PDZD8: variants seen among roughly 807,000 people sequenced by gnomAD.
The protein encoded by PDZD8 is PDZ domain containing 8, also known as PDZ domain-containing protein 8.
PDZD8 carries 14 observed loss-of-function variants against 85.8 expected under a neutral mutation model. That is an observed-to-expected ratio of 0.16 (90% confidence interval 0.11 to 0.26). The LOEUF is 0.26. Ranked by LOEUF, PDZD8 falls within the 10% of genes least tolerant of loss-of-function variation. The pLI is 1.00. For synonymous variants in PDZD8, 592 were observed against 568.6 expected, an observed-to-expected ratio of 1.04 and a Z score of -0.59; for missense variants, 1,197 against 1,424.3, an observed-to-expected ratio of 0.84 and a Z score of 2.57.
chr10:117,333,578 C>T (rs766422152), intron 2 of PDZD8, among the ~76,000 whole-genome samples: 8 of 152,154 alleles, frequency 5.3e-5, no homozygotes, highest in Non-Finnish European at 1.2e-4. Context: ...CAAATTTAAT[C>T]AAACTCAATG....
chr10:117,336,116 G>C (rs1281588155), intron 2 of PDZD8, among the ~76,000 whole-genome samples: 1 of 152,174 alleles, frequency 6.6e-6, no homozygotes, highest in Non-Finnish European at 1.5e-5. Flanking sequence ...ACACTTTATA[G>C]CCTGAAGGTA....
intron 1 of PDZD8, among the ~76,000 whole-genome samples, chr10:117,346,666 G>T (rs1185088350): frequency 6.6e-6 from 1 of 152,044 alleles, no homozygotes; most frequent in East Asian, 1.9e-4. Context: ...AATGCCAGCA[G>T]CTGTACCTGG....
chr10:117,373,556 G>A (rs1429590124), intron 1 of PDZD8, among the ~76,000 whole-genome samples: 5 of 129,682 alleles, frequency 3.9e-5, no homozygotes, highest in African/African-American at 1.2e-4. Flanking sequence ...TCAGGAGTTC[G>A]AAACCAGCCT....
Position 117,333,117 on chromosome 10 carries a change from CAAAAAA to C in PDZD8, c.995+7857_995+7862del, listed in dbSNP as rs752527474. On this transcript the variant is annotated intron_variant, in intron 2 of 4. Transcript: ENST00000334464. ...CTGGACAGCAGAGTGGACTCTGTCT[CAAAAAA>C]AAAAAAAAAAAAAAAAAAAAGGGGA... Among the ~76,000 whole-genome samples the C allele has an allele frequency of 2.8e-4, 2 of 7,264 alleles. 1 individual carries two copies. 4.8% of individuals were successfully genotyped at this position (7,264 alleles called of 152,430 possible). A position where few individuals can be genotyped will look rare whatever the true frequency, so the allele number is the denominator to read the frequency against.
intron 1 of PDZD8, among the ~76,000 whole-genome samples, chr10:117,341,765 TCCATGGATGTGGAAC>T (rs565960326): frequency 1.1e-4 from 16 of 152,196 alleles, no homozygotes; most frequent in Admixed American, 7.9e-4. Context: ...GTTGTTTGAA[TCCATGGATGTGGAAC>T]CCATGGATGT....
At chr10:117,306,697 C>G (rs538182696) in intron 3 of PDZD8, among the ~76,000 whole-genome samples, 1 of 150,998 alleles carries the variant, frequency 6.6e-6, no homozygotes, top group South Asian at 2.1e-4. Flanking sequence ...TAAAAAATTA[C>G]TTTTTTATCT....
chr10:117,353,535 G>A (rs1029682879), intron 1 of PDZD8, among the ~76,000 whole-genome samples: 2 of 152,110 alleles, frequency 1.3e-5, no homozygotes, highest in Non-Finnish European at 2.9e-5. Context: ...TCTACACCTT[G>A]ATGTTTTCTA....
At chr10:117,343,361 T>C (rs1175748519) in intron 1 of PDZD8, among the ~76,000 whole-genome samples, 1 of 146,750 alleles carries the variant, frequency 6.8e-6, no homozygotes, top group Non-Finnish European at 1.5e-5. Context: ...GCCCCCCGAG[T>C]TTCTCCCAAC....
intron 2 of PDZD8, among the ~76,000 whole-genome samples, chr10:117,330,643 CA>C (rs980441734): frequency 6.6e-6 from 1 of 152,208 alleles, no homozygotes; most frequent in African/African-American, 2.4e-5. Context: ...CCTATTAAAA[CA>C]TATCTATGAG....
rs755481563 is a variant in PDZD8 at position 117,374,361 on chromosome 10, C to T, written c.867G>A (p.Lys289=). The T allele has an allele frequency of 6.2e-7, 1 of 1,613,332 alleles. No homozygotes were observed. Among genetic ancestry groups the T allele is most frequent in the East Asian group, 2.2e-5 (1 of 44,840 alleles). ...IKRKHTLPNY[K]IRFKPFFPYQ... ...CTCCCCGACCTCCAGCTCACCTGATCTTGTAATTCGGTAGGGTGTGCTTGC... is the reference window on the plus strand; with the variant it reads ...CTCCCCGACCTCCAGCTCACCTGATTTTGTAATTCGGTAGGGTGTGCTTGC... The change falls in exon 1 of 5, where the codon AAG becomes AAA. Residue 289 remains lysine, a synonymous_variant. Coordinates refer to ENST00000334464, the MANE Select transcript of PDZD8 (RefSeq NM_173791.5). The surrounding 1 kb of genome is among the most constrained non-coding windows in gnomAD (Gnocchi z 7.8).
chr10:117,277,956 G>A lies in PDZD8; in HGVS notation c.*5312C>T, dbSNP rs920006177. 2 of 152,076 alleles carry A rather than the reference G, an allele frequency of 1.3e-5. No homozygotes were observed. The highest frequency in any genetic ancestry group is 4.8e-5 in the African/African-American group (2 of 41,408). 9.4% of individuals were successfully genotyped at this position (152,076 alleles called of 1,614,324 possible). A position where few individuals can be genotyped will look rare whatever the true frequency, so the allele number is the denominator to read the frequency against. ...GCAGCAAACACTAAAGCCAATAAAG[G>A]AAAAACAGTAAATGTTCCGAAAGCA... is the stretch of plus-strand genomic sequence containing the variant. On this transcript the variant is annotated 3_prime_UTR_variant, in exon 5 of 5. Transcript: ENST00000334464.
intron 1 of PDZD8, among the ~76,000 whole-genome samples, chr10:117,370,323 G>C (rs914291950): frequency 9.9e-5 from 15 of 152,142 alleles, no homozygotes; most frequent in African/African-American, 3.6e-4. Context: ...AACCACTTGA[G>C]CAACTTAGCA....
intron 3 of PDZD8, among the ~76,000 whole-genome samples, chr10:117,310,245 C>T (rs192112937): frequency 1.4e-4 from 22 of 152,200 alleles, no homozygotes; most frequent in African/African-American, 4.6e-4. Flanking sequence ...CAAATGTCAC[C>T]GCCTTAATAT....
At chr10:117,313,398 CT>C (rs1198623907) in intron 3 of PDZD8, among the ~76,000 whole-genome samples, 1 of 152,050 alleles carries the variant, frequency 6.6e-6, no homozygotes, top group Admixed American at 6.6e-5. Flanking sequence ...ATTTCTCCTG[CT>C]TGTTTTTTAC....
rs1485659593 is a variant in PDZD8 at position 117,281,972 on chromosome 10, C to G, written c.*1296G>C. 1 of 152,192 alleles carries G rather than the reference C, an allele frequency of 6.6e-6. No homozygotes were observed. Among genetic ancestry groups the G allele is most frequent in the Non-Finnish European group, 1.5e-5 (1 of 68,036 alleles). The allele number at this position is 152,192 out of a possible 1,614,324, so 9.4% of individuals were successfully genotyped here. On this transcript the variant is annotated 3_prime_UTR_variant, in exon 5 of 5. Coordinates refer to ENST00000334464, the MANE Select transcript of PDZD8 (RefSeq NM_173791.5). ...CGAAACCATTAAGGTACCCCAACAACAGTCGAGCTTACTTGTTTTCCCTCA... is the reference window on the plus strand; with the variant it reads ...CGAAACCATTAAGGTACCCCAACAAGAGTCGAGCTTACTTGTTTTCCCTCA...
intron 2 of PDZD8, among the ~76,000 whole-genome samples, chr10:117,329,425 T>C (rs1038416690): frequency 3.9e-5 from 6 of 152,004 alleles, no homozygotes; most frequent in Admixed American, 3.9e-4. Flanking sequence ...CCTAGAAACA[T>C]GTTAAGATCG....
At chr10:117,308,981 A>C (rs1843990035) in intron 3 of PDZD8, among the ~76,000 whole-genome samples, 1 of 152,076 alleles carries the variant, frequency 6.6e-6, no homozygotes, top group African/African-American at 2.4e-5. Flanking sequence ...CTCCCAAAAC[A>C]TCTCTCTAAT....
chr10:117,340,611 T>G (rs532877590), intron 2 of PDZD8, among the ~76,000 whole-genome samples: 1 of 152,334 alleles, frequency 6.6e-6, no homozygotes, highest in East Asian at 1.9e-4. Flanking sequence ...ATACTTATCA[T>G]GATGGTCCTG....
chr10:117,367,907 A>G (rs1845118006), intron 1 of PDZD8, among the ~76,000 whole-genome samples: 3 of 151,310 alleles, frequency 2.0e-5, no homozygotes. Flanking sequence ...GCAACGAGAG[A>G]GGAAAAAAAA....
Sources: gnomAD v4.1 joint callset for allele counts (sites outside exome capture counted in the v4.1 genomes callset) on GRCh38, gnomAD v4.1.1 for gene constraint, Gnocchi (gnomAD v3.1) non-coding constraint, MANE v1.5 for transcripts, NCBI Gene and HGNC (gene_info 2026-07-23, HGNC 2026-07-21) for gene names.